The following GABRB1 variants were observed in gnomAD, a reference collection of about 807,000 sequenced individuals.
GABRB1 encodes gamma-aminobutyric acid type A receptor subunit beta1.
In GABRB1, 17 loss-of-function variants were observed where a neutral mutation model predicts 51.6. That is an observed-to-expected ratio of 0.33 (90% CI 0.23 to 0.49). The LOEUF (loss-of-function observed/expected upper bound fraction) is 0.49, where lower values mean the gene tolerates loss of function less well. GABRB1 is among the 20% of genes least tolerant of loss of function. The pLI, the probability that GABRB1 is intolerant of heterozygous loss-of-function variation, is 0.99. For missense variants in GABRB1, 410 were observed against 600.6 expected (o/e 0.68, Z 3.32); for synonymous variants, 247 against 218.9 (o/e 1.13, Z -1.14).
rs748346475 is a variant in GABRB1 at position 47,406,926 on chromosome 4, G to A, written c.1080G>A (p.Gln360=). The change falls in exon 8 of 9, where the codon CAG becomes CAA. Residue 360 remains glutamine, a splice_region_variant and synonymous_variant. Transcript: ENST00000295454. Reference sequence around the variant, plus strand: ...ATAAACTGGAGATGAATAAAGTCCAGGTAAGATATTAAATATTCCTAACAA... The same window carrying A: ...ATAAACTGGAGATGAATAAAGTCCAAGTAAGATATTAAATATTCCTAACAA... ...EKNKLEMNKV[Q]VDAHGNILLS... 6.2e-7 allele frequency: 1 copy of A among 1,612,884 alleles called. No individual in the cohort carries two copies. The highest frequency in any genetic ancestry group is 8.5e-7 in the Non-Finnish European group (1 of 1,179,594).
Position 47,264,286 on chromosome 4 carries a change from C to T in GABRB1, c.462-55841C>T, listed in dbSNP as rs115477273. On this transcript the variant is annotated intron_variant, in intron 4 of 8. Coordinates refer to ENST00000295454, the MANE Select transcript of GABRB1 (RefSeq NM_000812.4). The stretch of plus-strand genomic sequence containing the variant: ...TGCAACCCAGCAACTATCCTTCCCC[C>T]ACCCCGCCAAGCATTCAAAGGCTAG... 3.4e-3 allele frequency among the ~76,000 whole-genome samples: 520 copies of T among 152,304 alleles called. 1 individual carries two copies. The highest frequency in any genetic ancestry group is 0.012 in the African/African-American group (489 of 41,566).
chr4:47,292,116 A>G (rs1723765591), intron 4 of GABRB1, among the ~76,000 whole-genome samples: 1 of 152,186 alleles, frequency 6.6e-6, no homozygotes, highest in Non-Finnish European at 1.5e-5. Flanking sequence ...TAATTGAATC[A>G]TGGGGGCAGG....
At chr4:47,350,653 G>A (rs1436577344) in intron 5 of GABRB1, among the ~76,000 whole-genome samples, 2 of 151,868 alleles carry the variant, frequency 1.3e-5, no homozygotes, top group African/African-American at 4.8e-5. Flanking sequence ...CACTTGAAAT[G>A]GTAACAGAAT....
At chr4:46,999,552 AG>A (rs1389806631) in intron 1 of GABRB1, among the ~76,000 whole-genome samples, 1 of 152,212 alleles carries the variant, frequency 6.6e-6, no homozygotes. Context: ...AATTAAAATA[AG>A]GAAATAAGAT....
upstream of GABRB1, among the ~76,000 whole-genome samples, chr4:47,028,972 C>A (rs987175403): frequency 2.0e-5 from 3 of 151,260 alleles, no homozygotes; most frequent in African/African-American, 4.8e-5. Flanking sequence ...TATCATTCTG[C>A]ACCTTGCTCT....
intron 3 of GABRB1, among the ~76,000 whole-genome samples, chr4:47,056,857 C>A (rs1469751311): frequency 2.0e-5 from 3 of 152,194 alleles, no homozygotes; most frequent in African/African-American, 7.2e-5. Flanking sequence ...CCTGTACTCC[C>A]AGCACTTTGG....
chr4:47,409,320 A>G (rs1578152499), intron 8 of GABRB1, among the ~76,000 whole-genome samples: 1 of 152,296 alleles, frequency 6.6e-6, no homozygotes, highest in East Asian at 1.9e-4. Flanking sequence ...GACAAGTTGA[A>G]GGATGGTAAA....
At chr4:47,025,444 G>A (rs116759298) in intron 1 of GABRB1, among the ~76,000 whole-genome samples, 2,754 of 151,848 alleles carry the variant, frequency 0.018, 39 homozygotes, top group Non-Finnish European at 0.027. Flanking sequence ...GGAGTAAGGC[G>A]GTATTGTATT....
intron 3 of GABRB1, among the ~76,000 whole-genome samples, chr4:47,055,531 C>T (rs1226050319): frequency 2.0e-5 from 3 of 152,108 alleles, no homozygotes; most frequent in Non-Finnish European, 4.4e-5. Context: ...TTACATTCCC[C>T]GAACAGAATG....
chr4:46,999,193 C>T lies in GABRB1; in HGVS notation c.-20+5267C>T, dbSNP rs73813774. Among the ~76,000 whole-genome samples the T allele has an allele frequency of 5.7e-3, 873 of 152,234 alleles. 10 individuals are homozygous for T. The highest frequency in any genetic ancestry group is 0.019 in the African/African-American group (808 of 41,542). ...GAGGGGATACACAAAGATGTAAATA[C>T]TGGAGGTATGATTCATTTGATGGCC... On this transcript the variant is annotated intron_variant, in intron 1 of 3. Coordinates refer to the GABRB1 transcript ENST00000513567.
chr4:47,301,212 TG>T (rs1335523169), intron 4 of GABRB1, among the ~76,000 whole-genome samples: 1 of 152,166 alleles, frequency 6.6e-6, no homozygotes, highest in Admixed American at 6.6e-5. Flanking sequence ...TACACTACTC[TG>T]GCAACATATT....
At chr4:47,037,002 TTGA>T (rs545187127) in intron 3 of GABRB1, among the ~76,000 whole-genome samples, 71 of 152,182 alleles carry the variant, frequency 4.7e-4, no homozygotes, top group African/African-American at 1.7e-3. Flanking sequence ...AATGCCATAA[TTGA>T]TGATGATGAT....
intron 7 of GABRB1, 41 bp downstream of exon 7, chr4:47,403,752 C>A (rs761892314): frequency 1.3e-6 from 2 of 1,588,820 alleles, no homozygotes; most frequent in Non-Finnish European, 1.7e-6. Flanking sequence ...ACAGATTTTA[C>A]TTTCAAACAA....
At chr4:47,273,868 C>CAA (rs1722969183) in intron 4 of GABRB1, among the ~76,000 whole-genome samples, 1 of 124,484 alleles carries the variant, frequency 8.0e-6, no homozygotes, top group Non-Finnish European at 1.8e-5. Context: ...TATACATACA[C>CAA]ACACACACAC....
At chr4:47,423,565 C>T (rs975764789) in intron 8 of GABRB1, among the ~76,000 whole-genome samples, 2 of 152,212 alleles carry the variant, frequency 1.3e-5, no homozygotes, top group Non-Finnish European at 2.9e-5. Flanking sequence ...ATCTCTCACA[C>T]AGTAAGCACT....
At chr4:47,274,306 A>C (rs765625846) in intron 4 of GABRB1, among the ~76,000 whole-genome samples, 1 of 152,184 alleles carries the variant, frequency 6.6e-6, no homozygotes, top group Non-Finnish European at 1.5e-5. Flanking sequence ...CACACATTTA[A>C]AAAGACAATG....
intron 1 of GABRB1, among the ~76,000 whole-genome samples, chr4:46,999,766 C>A (rs1313709807): frequency 6.6e-6 from 1 of 152,156 alleles, no homozygotes; most frequent in Non-Finnish European, 1.5e-5. Flanking sequence ...GGATTAATGC[C>A]AATATGACTG....
rs573477320 is a variant in GABRB1 at position 47,325,426 on chromosome 4, C to T, written c.544+5217C>T. ...CTCCAGCCTGAGGGATAGCCTCAGA[C>T]TCCATCTCAAAAAAAAAAAAAAATC... On this transcript the variant is annotated intron_variant, in intron 5 of 8. Transcript: ENST00000295454. 1.0e-3 allele frequency among the ~76,000 whole-genome samples: 87 copies of T among 87,166 alleles called. 1 individual carries two copies. The highest frequency in any genetic ancestry group is 3.5e-3 in the African/African-American group (83 of 23,994). 57.2% of individuals were successfully genotyped at this position (87,166 alleles called of 152,430 possible).
chr4:47,214,890 T>C (rs1418489243), intron 4 of GABRB1, among the ~76,000 whole-genome samples: 1 of 152,164 alleles, frequency 6.6e-6, no homozygotes, highest in Non-Finnish European at 1.5e-5. Flanking sequence ...GAATCCAAAG[T>C]TCTAGCTAGG....
Sources: gnomAD v4.1 joint callset for allele counts (sites outside exome capture counted in the v4.1 genomes callset) on GRCh38, gnomAD v4.1.1 for gene constraint, MANE v1.5 for transcripts, NCBI Gene and HGNC (gene_info 2026-07-23, HGNC 2026-07-21) for gene names.